The following FTCDNL1 variants were observed in gnomAD, a reference collection of about 807,000 sequenced individuals.
FTCDNL1 encodes the protein formiminotransferase N-terminal subdomain-containing protein.
FTCDNL1 carries 11 observed loss-of-function variants against 5.9 expected under a neutral mutation model. The ratio of observed to expected loss-of-function variants is 1.87; its 90% CI spans 1.18 to 3.10. The LOEUF (loss-of-function observed/expected upper bound fraction) is 3.10. Among genes scored for constraint, FTCDNL1 ranks in the 30% most tolerant of loss-of-function variants. FTCDNL1 has a pLI of 0.00. For missense variants in FTCDNL1, 115 were observed against 65.5 expected, an observed-to-expected ratio of 1.76 and a Z score of -2.61; for synonymous variants, 58 against 24.8, an observed-to-expected ratio of 2.34 and a Z score of -3.99.
chr2:199,835,775 GATCCACA>G (rs1400001009), intron 3 of FTCDNL1, among the ~76,000 whole-genome samples: 5 of 152,150 alleles, frequency 3.3e-5, no homozygotes, highest in African/African-American at 1.2e-4. Context: ...ACCCTTACTA[GATCCACA>G]ATCTCTAAAA....
At chr2:199,802,524 A>G (rs1193704046) in intron 3 of FTCDNL1, among the ~76,000 whole-genome samples, 1 of 152,252 alleles carries the variant, frequency 6.6e-6, no homozygotes, top group Non-Finnish European at 1.5e-5. Context: ...GTTCTGGAGC[A>G]CTGGCTGCAC....
chr2:199,678,112 G>C, the FTCDNL1 span, among the ~76,000 whole-genome samples: 1 of 152,200 alleles, frequency 6.6e-6, no homozygotes, highest in East Asian at 1.9e-4. Flanking sequence ...AGTCGCTTTG[G>C]GTTTACAAAA....
At chr2:199,759,923 G>C (rs72922373), downstream of FTCDNL1, among the ~76,000 whole-genome samples, 1 of 152,182 alleles carries the variant, frequency 6.6e-6, no homozygotes, top group African/African-American at 2.4e-5. Flanking sequence ...AATCATGCAT[G>C]TGGACAGCTC....
At chr2:199,765,556 A>ATATATATTTTTCTTTTTTT in intron 3 of FTCDNL1, among the ~76,000 whole-genome samples, 1 of 42,656 alleles carries the variant, frequency 2.3e-5, no homozygotes, top group Non-Finnish European at 4.8e-5. Context: ...ATATATATAT[A>ATATATATTTTTCTTTTTTT]TTTTTTTTTT....
At chr2:199,673,510 TTTTAA>T in the FTCDNL1 span, among the ~76,000 whole-genome samples, 3 of 152,160 alleles carry the variant, frequency 2.0e-5, no homozygotes, top group African/African-American at 7.2e-5. Context: ...TCATTTTTTG[TTTTAA>T]TTTAATTGGC....
intron 3 of FTCDNL1, among the ~76,000 whole-genome samples, chr2:199,826,737 T>G (rs541078882): frequency 1.3e-5 from 2 of 152,274 alleles, no homozygotes; most frequent in Admixed American, 6.5e-5. Context: ...GAGGCTGCAG[T>G]GAGCCGAGAT....
At chr2:199,834,651 T>C (rs576106439) in intron 3 of FTCDNL1, among the ~76,000 whole-genome samples, 1 of 152,278 alleles carries the variant, frequency 6.6e-6, no homozygotes, top group African/African-American at 2.4e-5. Context: ...AATAAAGTTA[T>C]TGTAGTCTCC....
rs1699914598 is a variant in FTCDNL1, at chr2:199,791,310, C to T, written c.212-30475G>A. ...AGAAAAAAGAGTTCTGGGAACCCAG[C>T]AAAAAGAGAAAGGAAAAAGTAACAT... On this transcript the variant is annotated intron_variant, in intron 3 of 3. Coordinates refer to the FTCDNL1 transcript ENST00000416668. Among the ~76,000 whole-genome samples, 3 of 151,758 alleles carry T rather than the reference C, an allele frequency of 2.0e-5. No individual in the cohort carries two copies. In the Middle Eastern group the frequency reaches 0.01, roughly 516 times the overall value.
chr2:199,769,462 T>C (rs1282707849), intron 3 of FTCDNL1, among the ~76,000 whole-genome samples: 1 of 138,296 alleles, frequency 7.2e-6, no homozygotes, highest in Non-Finnish European at 1.5e-5. Flanking sequence ...TCATCTGCCT[T>C]CCACCATGAT....
intron 3 of FTCDNL1, among the ~76,000 whole-genome samples, chr2:199,764,015 T>C (rs1006790517): frequency 1.3e-5 from 2 of 152,138 alleles, no homozygotes; most frequent in African/African-American, 2.4e-5. Flanking sequence ...CTAATTTTTA[T>C]ATTTTTAGTA....
chr2:199,733,587 G>C, the FTCDNL1 span, among the ~76,000 whole-genome samples: 4 of 152,188 alleles, frequency 2.6e-5, no homozygotes, highest in Non-Finnish European at 4.4e-5. Context: ...CAGGAAGAGA[G>C]ATGGTAGTTC....
the FTCDNL1 span, among the ~76,000 whole-genome samples, chr2:199,732,964 T>TTGGGG: frequency 6.6e-6 from 1 of 152,072 alleles, no homozygotes; most frequent in Non-Finnish European, 1.5e-5. Flanking sequence ...CACAATTGAG[T>TTGGGG]TGGGGTGGGG....
the FTCDNL1 span, among the ~76,000 whole-genome samples, chr2:199,737,725 G>A: frequency 6.6e-6 from 1 of 152,138 alleles, no homozygotes; most frequent in South Asian, 2.1e-4. Flanking sequence ...CCCCACACTT[G>A]GTTTAATGCT....
chr2:199,801,340 A>G (rs755832659), intron 3 of FTCDNL1, among the ~76,000 whole-genome samples: 1 of 152,190 alleles, frequency 6.6e-6, no homozygotes, highest in Non-Finnish European at 1.5e-5. Flanking sequence ...CACGGGGCCC[A>G]GTGCAAAATG....
chr2:199,843,440 C>T (rs1380268061), intron 3 of FTCDNL1, among the ~76,000 whole-genome samples: 4 of 152,170 alleles, frequency 2.6e-5, no homozygotes, highest in Non-Finnish European at 4.4e-5. Flanking sequence ...CCCACCCCCC[C>T]ATGCTGAATT....
At chr2:199,820,626 G>A (rs1475031719) in intron 3 of FTCDNL1, among the ~76,000 whole-genome samples, 1 of 152,108 alleles carries the variant, frequency 6.6e-6, no homozygotes, top group Non-Finnish European at 1.5e-5. Context: ...ACATAAGGAA[G>A]CCTAATATTT....
chr2:199,747,469 T>G, the FTCDNL1 span, among the ~76,000 whole-genome samples: 1 of 152,164 alleles, frequency 6.6e-6, no homozygotes, highest in Non-Finnish European at 1.5e-5. Flanking sequence ...TTTGTTTTTG[T>G]TTGGTTTTTC....
the FTCDNL1 span, among the ~76,000 whole-genome samples, chr2:199,716,033 TAAAAAAAAAAAAAAAA>T: frequency 2.8e-4 from 30 of 108,928 alleles, no homozygotes; most frequent in Admixed American, 4.0e-4. Context: ...TGCCTCTAGT[TAAAAAAAAAAAAAAAA>T]AAAAAAAAAA....
At position 199,851,088 on chromosome 2, in the gene FTCDNL1, G is replaced by T. The variant is rs1479177965; in HGVS notation, c.-356C>A. ...GGAGCGGACCTGCGAGCGCCGAAGG[G>T]CGGTGGGGCAGGGCGACCGCCCAGC... On this transcript the variant is annotated 5_prime_UTR_variant, in exon 1 of 5. Coordinates refer to ENST00000420128, the MANE Select transcript of FTCDNL1 (RefSeq NM_001363886.2). The T allele has an allele frequency of 5.4e-5, 8 of 147,144 alleles. No homozygotes were observed. Among genetic ancestry groups the T allele is most frequent in the Non-Finnish European group, 1.1e-4 (7 of 65,456 alleles). The allele number at this position is 147,144 out of a possible 1,614,324, so 9.1% of individuals were successfully genotyped here. A position where few individuals can be genotyped will look rare whatever the true frequency, so the allele number is the denominator to read the frequency against.
Sources: gnomAD v4.1 joint callset for allele counts (sites outside exome capture counted in the v4.1 genomes callset) on GRCh38, gnomAD v4.1.1 for gene constraint, MANE v1.5 for transcripts, NCBI Gene and HGNC (gene_info 2026-07-23, HGNC 2026-07-21) for gene names.